The following PTPRD variants were observed in gnomAD, a reference collection of about 807,000 sequenced individuals.
PTPRD encodes receptor-type tyrosine-protein phosphatase delta.
In PTPRD, 34 loss-of-function variants were observed where a neutral mutation model predicts 214.5. The observed-to-expected ratio is 0.16, with a 90% CI of 0.12 to 0.21. The LOEUF (loss-of-function observed/expected upper bound fraction) is 0.21, where lower values mean the gene tolerates loss of function less well. Ranked by LOEUF, PTPRD falls within the 10% of genes least tolerant of loss-of-function variation. PTPRD has a pLI of 1.00. For synonymous variants in PTPRD, 1,128 were observed against 845.7 expected (o/e 1.33, Z -5.79); for missense variants, 2,545 against 2,398.7 (o/e 1.06, Z -1.27).
At chr9:8,364,749 C>A (rs978779207) in intron 39 of PTPRD, among the ~76,000 whole-genome samples, 1 of 152,224 alleles carries the variant, frequency 6.6e-6, no homozygotes, top group African/African-American at 2.4e-5. Context: ...CGATTTTCTG[C>A]TGCGGTAGCC....
intron 5 of PTPRD, among the ~76,000 whole-genome samples, chr9:9,813,764 A>G (rs1035904335): frequency 3.3e-5 from 5 of 152,136 alleles, no homozygotes; most frequent in African/African-American, 1.2e-4. Flanking sequence ...CTCATTTTAA[A>G]AGGTCAGAAT....
Position 8,317,389 on chromosome 9 carries a change from C to G in PTPRD, c.*485G>C, listed in dbSNP as rs554938674. The G allele has an allele frequency of 1.3e-5, 3 of 232,908 alleles. No homozygotes were observed. Among genetic ancestry groups the G allele is most frequent in the Non-Finnish European group, 2.6e-5 (3 of 117,606 alleles). The allele number at this position is 232,908 out of a possible 1,614,324, so 14.4% of individuals were successfully genotyped here. Reference sequence around the variant, plus strand: ...ACTAAAAAACTAAATCAAGGACTTTCTTTTTAAACATTCCCTCCCCTTTCC... The same window carrying G: ...ACTAAAAAACTAAATCAAGGACTTTGTTTTTAAACATTCCCTCCCCTTTCC... On this transcript the variant is annotated 3_prime_UTR_variant, in exon 46 of 46. Coordinates refer to ENST00000381196, the MANE Select transcript of PTPRD (RefSeq NM_002839.4).
At chr9:9,451,860 A>C (rs1012486351) in intron 8 of PTPRD, among the ~76,000 whole-genome samples, 4 of 151,562 alleles carry the variant, frequency 2.6e-5, no homozygotes, top group African/African-American at 9.7e-5. Context: ...AATAAATTAG[A>C]AGATGAATGA....
intron 14 of PTPRD, among the ~76,000 whole-genome samples, chr9:8,576,777 G>A (rs1251787413): frequency 6.6e-6 from 1 of 152,036 alleles, no homozygotes; most frequent in African/African-American, 2.4e-5. Context: ...TATGTTCCCT[G>A]CAATCCTAAT....
chr9:10,580,703 T>C (rs2071417796), intron 2 of PTPRD, among the ~76,000 whole-genome samples: 1 of 152,162 alleles, frequency 6.6e-6, no homozygotes, highest in South Asian at 2.1e-4. Context: ...TTATAAATTA[T>C]AATAGTCAAA....
intron 7 of PTPRD, among the ~76,000 whole-genome samples, chr9:9,647,509 G>C (rs2096225121): frequency 6.6e-6 from 1 of 151,964 alleles, no homozygotes; most frequent in Non-Finnish European, 1.5e-5. Flanking sequence ...GCTTACTTTT[G>C]CCAGTCTTAT....
chr9:8,658,515 T>C (rs755151828), intron 12 of PTPRD, among the ~76,000 whole-genome samples: 8 of 152,264 alleles, frequency 5.3e-5, no homozygotes, highest in Non-Finnish European at 1.2e-4. Flanking sequence ...TTAGTACCAG[T>C]AGCCAATATG....
intron 9 of PTPRD, among the ~76,000 whole-genome samples, chr9:9,346,053 C>G (rs1354214696): frequency 6.6e-6 from 1 of 151,988 alleles, no homozygotes; most frequent in African/African-American, 2.4e-5. Flanking sequence ...GAATAGGGGC[C>G]GTGTTCTGGA....
intron 3 of PTPRD, among the ~76,000 whole-genome samples, chr9:10,042,469 A>G (rs1046065908): frequency 5.9e-5 from 9 of 152,082 alleles, no homozygotes; most frequent in African/African-American, 2.2e-4. Flanking sequence ...GAATTCTGCT[A>G]GCCCTGCTCT....
At chr9:9,840,021 G>C (rs1207484945) in intron 5 of PTPRD, among the ~76,000 whole-genome samples, 4 of 151,810 alleles carry the variant, frequency 2.6e-5, no homozygotes, top group Non-Finnish European at 5.9e-5. Flanking sequence ...TCAATTTTAT[G>C]GTTGGTTTTT....
At chr9:10,502,052 A>AC (rs1566560287) in intron 2 of PTPRD, among the ~76,000 whole-genome samples, 1 of 151,688 alleles carries the variant, frequency 6.6e-6, no homozygotes, top group African/African-American at 2.4e-5. Flanking sequence ...ATCGAGCTTA[A>AC]TTTTTTTTAA....
intron 5 of PTPRD, among the ~76,000 whole-genome samples, chr9:9,817,622 T>C (rs1396191404): frequency 6.6e-6 from 1 of 152,212 alleles, no homozygotes; most frequent in African/African-American, 2.4e-5. Flanking sequence ...TAATTTTGTT[T>C]CTTTCATCTT....
At chr9:10,172,501 T>C (rs1457322945) in intron 3 of PTPRD, among the ~76,000 whole-genome samples, 1 of 152,244 alleles carries the variant, frequency 6.6e-6, no homozygotes, top group Non-Finnish European at 1.5e-5. Context: ...TGTTCTAACA[T>C]CTAACCACTT....
At chr9:8,441,160 G>A (rs1590559319) in intron 34 of PTPRD, among the ~76,000 whole-genome samples, 1 of 152,262 alleles carries the variant, frequency 6.6e-6, no homozygotes, top group Non-Finnish European at 1.5e-5. Flanking sequence ...ACAATGAGCA[G>A]GTTTCCAGGG....
At chr9:8,574,785 G>T (rs2092016110) in intron 14 of PTPRD, among the ~76,000 whole-genome samples, 1 of 151,806 alleles carries the variant, frequency 6.6e-6, no homozygotes, top group African/African-American at 2.4e-5. Context: ...TTAGTTAATT[G>T]CCAATCCCAT....
At chr9:9,970,540 G>C (rs1293863090) in intron 4 of PTPRD, among the ~76,000 whole-genome samples, 1 of 152,006 alleles carries the variant, frequency 6.6e-6, no homozygotes, top group Non-Finnish European at 1.5e-5. Context: ...AGTGCAGCAG[G>C]TATGTACCTA....
At chr9:8,573,656 C>T (rs942115205) in intron 14 of PTPRD, among the ~76,000 whole-genome samples, 1 of 151,812 alleles carries the variant, frequency 6.6e-6, no homozygotes, top group East Asian at 1.9e-4. Flanking sequence ...GTTTCATTTC[C>T]TCTCCCTATA....
chr9:8,325,207 C>T (rs1236874559), intron 44 of PTPRD, among the ~76,000 whole-genome samples: 2 of 149,934 alleles, frequency 1.3e-5, no homozygotes, highest in Non-Finnish European at 3.0e-5. Context: ...CCTAGGTTTT[C>T]TTCTAGGGGT....
chr9:9,961,610 T>C (rs1211725312), intron 4 of PTPRD, among the ~76,000 whole-genome samples: 3 of 152,106 alleles, frequency 2.0e-5, no homozygotes, highest in East Asian at 3.9e-4. Flanking sequence ...CTTACAGTGA[T>C]TACTTGACTG....
Sources: gnomAD v4.1 joint callset for allele counts (sites outside exome capture counted in the v4.1 genomes callset) on GRCh38, gnomAD v4.1.1 for gene constraint, MANE v1.5 for transcripts, NCBI Gene and HGNC (gene_info 2026-07-23, HGNC 2026-07-21) for gene names.